Variants in NRXN1 observed in about 807,000 individuals in gnomAD.
NRXN1 encodes the protein neurexin 1, also known as neurexin-1.
Under a neutral mutation model 150.9 loss-of-function variants are expected in NRXN1, and 39 were observed. The observed-to-expected ratio is 0.26, with a 90% CI of 0.20 to 0.34. The LOEUF is 0.34. Among genes scored for constraint, NRXN1 ranks in the 10% least tolerant of loss-of-function variants. NRXN1 has a pLI of 1.00. For synonymous variants in NRXN1, 924 were observed against 757.0 expected (o/e 1.22, Z -3.62); for missense variants, 1,815 against 1,949.9 (o/e 0.93, Z 1.30).
intron 2 of NRXN1, among the ~76,000 whole-genome samples, chr2:51,021,705 G>T (rs918250648): frequency 6.6e-6 from 1 of 151,814 alleles, no homozygotes; most frequent in Non-Finnish European, 1.5e-5. Flanking sequence ...GAGTCTCAAA[G>T]ACAAGTTATA....
At chr2:50,064,934 G>A (rs750861202) in intron 19 of NRXN1, among the ~76,000 whole-genome samples, 18 of 152,144 alleles carry the variant, frequency 1.2e-4, no homozygotes, top group Non-Finnish European at 2.4e-4. Flanking sequence ...GGCTTGGATT[G>A]TCTTCTGGAC....
chr2:50,570,103 T>C (rs1670434871), intron 8 of NRXN1, among the ~76,000 whole-genome samples: 1 of 152,196 alleles, frequency 6.6e-6, no homozygotes. Flanking sequence ...GCCTCTACTG[T>C]AGAATATTTC....
At chr2:50,363,020 G>C (rs530198381) in intron 17 of NRXN1, among the ~76,000 whole-genome samples, 5 of 152,264 alleles carry the variant, frequency 3.3e-5, no homozygotes, top group Admixed American at 2.6e-4. Flanking sequence ...AATGGTGTTG[G>C]GGGAACTGGC....
intron 12 of NRXN1, among the ~76,000 whole-genome samples, chr2:50,521,852 G>C (rs114202713): frequency 3.3e-5 from 5 of 152,220 alleles, no homozygotes; most frequent in African/African-American, 7.2e-5. Context: ...ATTGGATCCA[G>C]CAACTGGATC....
At chr2:50,524,041 G>A (rs1482401252) in intron 12 of NRXN1, among the ~76,000 whole-genome samples, 4 of 152,194 alleles carry the variant, frequency 2.6e-5, no homozygotes, top group Non-Finnish European at 5.9e-5. Flanking sequence ...GAAGTAAGAA[G>A]AGTGAATCTT....
chr2:50,548,098 G>T (rs2093534058), intron 9 of NRXN1: 1 of 152,110 alleles, frequency 6.6e-6, no homozygotes, highest in African/African-American at 2.4e-5. Flanking sequence ...CAAAGGGAAG[G>T]CCACCAAAAA....
intron 8 of NRXN1, among the ~76,000 whole-genome samples, chr2:50,612,776 C>T (rs1305195941): frequency 6.6e-6 from 1 of 152,158 alleles, no homozygotes; most frequent in African/African-American, 2.4e-5. Context: ...AGGGATGGCA[C>T]TCACAGCCAT....
intron 10 of NRXN1, 38 bp from the exon 11 acceptor site, chr2:50,531,468 G>T (rs1191250163): frequency 6.7e-7 from 1 of 1,490,028 alleles, no homozygotes; most frequent in African/African-American, 1.4e-5. Context: ...TTCTTGGATG[G>T]TATAGCGCAT....
intron 5 of NRXN1, among the ~76,000 whole-genome samples, chr2:50,768,126 T>C (rs1317372021): frequency 2.6e-5 from 4 of 152,102 alleles, no homozygotes. Flanking sequence ...CAACCCCTTT[T>C]CCCATGAGTC....
chr2:50,280,217 G>A (rs2071233283), intron 17 of NRXN1, among the ~76,000 whole-genome samples: 1 of 148,548 alleles, frequency 6.7e-6, no homozygotes, highest in African/African-American at 2.5e-5. Flanking sequence ...GGCGGAGCTT[G>A]CAGTGAGCCG....
chr2:50,604,272 T>C (rs922928731), intron 8 of NRXN1, among the ~76,000 whole-genome samples: 1 of 152,188 alleles, frequency 6.6e-6, no homozygotes, highest in African/African-American at 2.4e-5. Flanking sequence ...TATCACCTTA[T>C]ATTTCTGTTA....
chr2:50,304,531 T>G (rs903538427), intron 17 of NRXN1, among the ~76,000 whole-genome samples: 1 of 152,240 alleles, frequency 6.6e-6, no homozygotes, highest in Non-Finnish European at 1.5e-5. Context: ...TCAGCATTTG[T>G]GCTCAGGGAC....
chr2:50,098,501 C>T (rs1431450215), intron 18 of NRXN1, among the ~76,000 whole-genome samples: 1 of 152,138 alleles, frequency 6.6e-6, no homozygotes, highest in Non-Finnish European at 1.5e-5. Flanking sequence ...GTTCTGTCTA[C>T]CTTCTATCTC....
chr2:50,654,589 C>T (rs1395689290), intron 5 of NRXN1, among the ~76,000 whole-genome samples: 1 of 151,894 alleles, frequency 6.6e-6, no homozygotes, highest in African/African-American at 2.4e-5. Flanking sequence ...GTTCTAGATC[C>T]CTGAGGAATC....
At chr2:50,600,931 GTTTA>G (rs1427054901) in intron 8 of NRXN1, among the ~76,000 whole-genome samples, 2 of 135,542 alleles carry the variant, frequency 1.5e-5, no homozygotes, top group Non-Finnish European at 3.2e-5. Flanking sequence ...CACATTCTAA[GTTTA>G]TTTGTGAATT....
At chr2:50,968,461 C>T (rs774605930) in intron 2 of NRXN1, among the ~76,000 whole-genome samples, 8 of 152,010 alleles carry the variant, frequency 5.3e-5, no homozygotes, top group Non-Finnish European at 1.2e-4. Context: ...TATCTGTACC[C>T]ATGCTCTCTC....
intron 5 of NRXN1, among the ~76,000 whole-genome samples, chr2:50,644,007 G>T (rs191954885): frequency 2.6e-5 from 4 of 151,184 alleles, no homozygotes; most frequent in Non-Finnish European, 4.4e-5. Flanking sequence ...AAAGTTGTTG[G>T]TTTTTTTTGT....
intron 18 of NRXN1, among the ~76,000 whole-genome samples, chr2:50,159,150 C>T (rs908252657): frequency 7.9e-5 from 12 of 151,992 alleles, no homozygotes; most frequent in Admixed American, 7.2e-4. Context: ...AGCAAGAGGG[C>T]CAGATTTGAT....
chr2:50,109,767 T>TA (rs1702133619), intron 18 of NRXN1, among the ~76,000 whole-genome samples: 1 of 152,138 alleles, frequency 6.6e-6, no homozygotes, highest in African/African-American at 2.4e-5. Flanking sequence ...GAGGCCAGGG[T>TA]ACTATATTTA....
Sources: gnomAD v4.1 joint callset for allele counts (sites outside exome capture counted in the v4.1 genomes callset) on GRCh38, gnomAD v4.1.1 for gene constraint, MANE v1.5 for transcripts, NCBI Gene and HGNC (gene_info 2026-07-23, HGNC 2026-07-21) for gene names.